Variants in DROSHA observed in about 807,000 individuals in gnomAD.
DROSHA encodes the protein drosha ribonuclease III, also known as ribonuclease 3.
Under a neutral mutation model 181.9 loss-of-function variants are expected in DROSHA, and 56 were observed. That is an observed-to-expected ratio of 0.31 (90% CI 0.25 to 0.38). DROSHA has a LOEUF of 0.38. Among genes scored for constraint, DROSHA ranks in the 10% least tolerant of loss-of-function variants. The probability of loss-of-function intolerance (pLI) is 1.00; values close to 1 mark genes in which losing one functional copy is unlikely to be tolerated. For synonymous variants in DROSHA, 524 were observed against 591.2 expected (o/e 0.89, Z 1.65); for missense variants, 1,218 against 1,743.5 (o/e 0.70, Z 5.37).
chr5:31,517,657 A>G (rs1412925921), intron 6 of DROSHA, among the ~76,000 whole-genome samples: 2 of 152,192 alleles, frequency 1.3e-5, no homozygotes, highest in African/African-American at 4.8e-5. Context: ...AAATTATTAT[A>G]TATTTCCAGA....
intron 28 of DROSHA, 150 bp downstream of exon 28, chr5:31,424,277 A>G (rs75124662): frequency 2.0e-6 from 2 of 991,040 alleles, no homozygotes; most frequent in East Asian, 2.6e-5. Context: ...TATTGTTCCA[A>G]AGTTTTCCAG....
At chr5:31,512,294 C>G (rs1193898599) in intron 8 of DROSHA, among the ~76,000 whole-genome samples, 3 of 152,206 alleles carry the variant, frequency 2.0e-5, no homozygotes, top group Admixed American at 1.3e-4. Context: ...CGACAAAACT[C>G]AAAGGCAAAT....
At chr5:31,445,538 A>T (rs1028159690) in intron 23 of DROSHA, among the ~76,000 whole-genome samples, 9 of 152,232 alleles carry the variant, frequency 5.9e-5, no homozygotes, top group African/African-American at 2.2e-4. Flanking sequence ...GTGAATACAG[A>T]CACACAAATC....
chr5:31,490,969 C>T (rs375360075), intron 13 of DROSHA, among the ~76,000 whole-genome samples: 3 of 151,782 alleles, frequency 2.0e-5, no homozygotes, highest in South Asian at 4.2e-4. Context: ...ATGACAGTAA[C>T]GACTGTGACT....
Position 31,515,158 on chromosome 5 carries a change from C to T in DROSHA, c.1120G>A (p.Asp374Asn). 2 of 1,613,954 alleles carry T rather than the reference C, an allele frequency of 1.2e-6. No homozygotes were observed. The highest frequency in any genetic ancestry group is 2.2e-5 in the East Asian group (1 of 44,880). The change falls in exon 8 of 36, where the codon GAC (aspartate) becomes AAC (asparagine). Residue 374 changes from aspartate (D) to asparagine (N), a missense_variant. Physicochemically the swap from Asp to Asn is conservative, Grantham distance 23. Coordinates refer to ENST00000344624, the MANE Select transcript of DROSHA (RefSeq NM_001382508.1). ...RWEEEKDRWSDNQSSGKDKNY... is the reference protein window; with the variant it reads ...RWEEEKDRWSNNQSSGKDKNY... ...TTGTCTTTGCCAGAACTCTGGTTGT[C>T]ACTCCAACGGTCTTTTTCTTCCTCC...
intron 5 of DROSHA, among the ~76,000 whole-genome samples, chr5:31,525,329 CAA>C (rs34043904): frequency 4.3e-5 from 2 of 46,054 alleles, no homozygotes; most frequent in South Asian, 1.4e-3. Flanking sequence ...GACTTCATCT[CAA>C]AAAAAAAAAA....
At chr5:31,510,889 T>C (rs1738592358) in intron 9 of DROSHA, 146 bp downstream of exon 9, 2 of 976,240 alleles carry the variant, frequency 2.0e-6, no homozygotes, top group Non-Finnish European at 3.0e-6. Flanking sequence ...GAAGTTCTAC[T>C]GCTATGTATC....
At chr5:31,454,196 A>G (rs978125951) in intron 20 of DROSHA, among the ~76,000 whole-genome samples, 4 of 152,202 alleles carry the variant, frequency 2.6e-5, no homozygotes, top group Admixed American at 6.5e-5. Context: ...TGCCGAATCT[A>G]ATTCACTGAG....
chr5:31,467,058 T>A (rs1386037752), intron 18 of DROSHA: 4 of 152,016 alleles, frequency 2.6e-5, no homozygotes, highest in Non-Finnish European at 5.9e-5. Context: ...AACTGTTCCT[T>A]TCTTGGCCTT....
chr5:31,451,225 A>T (rs1048850223), intron 21 of DROSHA, among the ~76,000 whole-genome samples: 1 of 152,116 alleles, frequency 6.6e-6, no homozygotes, highest in Non-Finnish European at 1.5e-5. Flanking sequence ...AAAAATCTAC[A>T]TCTTTCAGAG....
intron 13 of DROSHA, among the ~76,000 whole-genome samples, chr5:31,490,025 G>A (rs1186587874): frequency 1.3e-5 from 2 of 151,916 alleles, no homozygotes; most frequent in Non-Finnish European, 2.9e-5. Flanking sequence ...ACAGGTGCCC[G>A]CCACCACACC....
intron 9 of DROSHA, among the ~76,000 whole-genome samples, chr5:31,509,493 A>G (rs568697993): frequency 1.3e-5 from 2 of 152,318 alleles, no homozygotes; most frequent in East Asian, 3.9e-4. Flanking sequence ...CTGCAACAGG[A>G]TGGGAGAAGC....
At chr5:31,423,171 C>T (rs933322171) in intron 28 of DROSHA, 24 of 426,070 alleles carry the variant, frequency 5.6e-5, no homozygotes, top group Non-Finnish European at 9.5e-5. Context: ...AATTTCAAGG[C>T]CAAGTACTGT....
chr5:31,526,246 A>T lies in DROSHA; in HGVS notation c.687T>A (p.Asp229Glu). 1.2e-6 allele frequency: 2 copies of T among 1,613,742 alleles called. No individual in the cohort carries two copies. ...GACTGTGATCTCGGTGCCTGTGGTC[A>T]TCATAGTGTTTCAGCCTTTCTGGGG... ...RRSPERLKHY[D>E]DHRHRDHSHG... The change falls in exon 5 of 36, where the codon GAT (aspartate) becomes GAA (glutamate). Residue 229 changes from aspartate to glutamate, a missense_variant. By Grantham distance (45) the Asp-to-Glu change is conservative. Coordinates refer to ENST00000344624, the MANE Select transcript of DROSHA (RefSeq NM_001382508.1).
rs928584343 is a variant in DROSHA, at chr5:31,410,308, C to T, written c.3667+438G>A. The stretch of plus-strand genomic sequence containing the variant: ...AGACCATATCGGAAACTGCAAAAGA[C>T]GACATTTGTCCGCAGAGCTTTGCAC... On this transcript the variant is annotated intron_variant, in intron 31 of 35. Coordinates refer to ENST00000344624, the MANE Select transcript of DROSHA (RefSeq NM_001382508.1). Among the ~76,000 whole-genome samples the T allele has an allele frequency of 1.8e-4, 28 of 152,290 alleles. 2 individuals carry two copies. The highest frequency in any genetic ancestry group is 8.8e-5 in the Non-Finnish European group (6 of 68,030).
intron 30 of DROSHA, among the ~76,000 whole-genome samples, chr5:31,413,126 C>T (rs1439709759): frequency 1.3e-5 from 2 of 152,192 alleles, no homozygotes; most frequent in African/African-American, 2.4e-5. Context: ...GGGCCCCTCA[C>T]TCAGTGCTAT....
chr5:31,430,123 T>C (rs1220178160), intron 26 of DROSHA, among the ~76,000 whole-genome samples: 2 of 152,226 alleles, frequency 1.3e-5, no homozygotes, highest in Admixed American at 1.3e-4. Context: ...GGAGTACTCA[T>C]ATTTTCTTGA....
At chr5:31,486,955 T>C (rs1751846217) in intron 13 of DROSHA, among the ~76,000 whole-genome samples, 1 of 152,196 alleles carries the variant, frequency 6.6e-6, no homozygotes, top group Non-Finnish European at 1.5e-5. Context: ...GATAGTAGGG[T>C]GATAACTCAT....
intron 21 of DROSHA, 81 bp from the exon 22 acceptor site, chr5:31,449,500 G>C (rs1465419780): frequency 6.9e-7 from 1 of 1,449,052 alleles, no homozygotes; most frequent in Non-Finnish European, 9.3e-7. Flanking sequence ...TCCTAAGGTG[G>C]AGGGACCACT....
Sources: allele counts gnomAD v4.1 joint callset (sites outside exome capture counted in the v4.1 genomes callset), GRCh38; gene constraint gnomAD v4.1.1; transcripts MANE v1.5; gene names NCBI Gene and HGNC (gene_info 2026-07-23, HGNC 2026-07-21).